Variants in ADAMTS12 observed in about 807,000 individuals in gnomAD.
ADAMTS12 encodes the protein A disintegrin and metalloproteinase with thrombospondin motifs 12.
A neutral mutation model predicts 167.8 loss-of-function variants in ADAMTS12; 118 were observed. The observed-to-expected ratio is 0.70, with a 90% confidence interval of 0.61 to 0.82. The LOEUF (loss-of-function observed/expected upper bound fraction) is 0.82, where lower values mean the gene tolerates loss of function less well. Ranked by LOEUF, ADAMTS12 falls within the 40% of genes least tolerant of loss-of-function variation. The pLI is 0.00. For missense variants in ADAMTS12, 1,916 were observed against 1,998.8 expected (o/e 0.96, Z 0.79); for synonymous variants, 704 against 716.9 (o/e 0.98, Z 0.29).
rs573880233 is a variant in ADAMTS12 at position 33,717,986 on chromosome 5, T to C, written c.634+33418A>G. ...CTTCTGTGTATTCTGTGTGTTCCCA[T>C]TTGTGAGGCAAAAGTTTTACACAAT... On this transcript the variant is annotated intron_variant, in intron 3 of 23. Transcript: ENST00000504830. Among the ~76,000 whole-genome samples the C allele has an allele frequency of 3.3e-5, 5 of 152,336 alleles. No individual in the cohort carries two copies. In the South Asian group the frequency reaches 1.0e-3, roughly 32 times the overall value.
At position 33,523,899 on chromosome 5, in the gene ADAMTS12, C is replaced by T. The variant is rs1039014252; in HGVS notation, c.*3289G>A. ...AAAGTGAATCACTGTGGACCAAGCA[C>T]CAGAAACATCGTCCCAAAGATTCAT... On this transcript the variant is annotated 3_prime_UTR_variant, in exon 24 of 24. Transcript: ENST00000504830. The T allele has an allele frequency of 6.6e-6, 1 of 152,228 alleles. No individual in the cohort carries two copies. Among genetic ancestry groups the T allele is most frequent in the African/African-American group, 2.4e-5 (1 of 41,522 alleles). The allele number at this position is 152,228 out of a possible 1,614,324, so 9.4% of individuals were successfully genotyped here. A position where few individuals can be genotyped will look rare whatever the true frequency, so the allele number is the denominator to read the frequency against.
chr5:33,579,252 T>C (rs981844527), intron 18 of ADAMTS12, among the ~76,000 whole-genome samples: 44 of 152,248 alleles, frequency 2.9e-4, no homozygotes, highest in African/African-American at 9.9e-4. Context: ...CCCCACTTTG[T>C]AAAACTGATC....
chr5:33,541,591 C>T (rs1299793979), intron 22 of ADAMTS12, among the ~76,000 whole-genome samples: 1 of 152,154 alleles, frequency 6.6e-6, no homozygotes, highest in East Asian at 1.9e-4. Flanking sequence ...AGAGAAAGGT[C>T]GGGTTACCCA....
rs1743782450 is a variant in ADAMTS12, at chr5:33,525,691, G to A, written c.*1497C>T. 1 of 152,136 alleles carries A rather than the reference G, an allele frequency of 6.6e-6. No homozygotes were observed. Among genetic ancestry groups the A allele is most frequent in the African/African-American group, 2.4e-5 (1 of 41,428 alleles). The allele number at this position is 152,136 out of a possible 1,614,324, so 9.4% of individuals were successfully genotyped here. ...GACGTGGGATATTGTGTTCCATGAG[G>A]AGTATTAAGTGTATCTGTGCATGAG... is the stretch of plus-strand genomic sequence containing the variant. On this transcript the variant is annotated 3_prime_UTR_variant, in exon 24 of 24. Coordinates refer to ENST00000504830, the MANE Select transcript of ADAMTS12 (RefSeq NM_030955.4).
At chr5:33,754,752 A>T (rs990156128) in intron 2 of ADAMTS12, among the ~76,000 whole-genome samples, 1 of 152,136 alleles carries the variant, frequency 6.6e-6, no homozygotes, top group African/African-American at 2.4e-5. Flanking sequence ...GCTACTTGGG[A>T]GGCTGAGGCA....
intron 5 of ADAMTS12, among the ~76,000 whole-genome samples, chr5:33,667,435 G>A (rs1158885827): frequency 6.6e-6 from 1 of 151,938 alleles, no homozygotes; most frequent in Non-Finnish European, 1.5e-5. Context: ...TACACCATTG[G>A]TTGTATCTGT....
chr5:33,731,778 T>A (rs1579884492), intron 3 of ADAMTS12, among the ~76,000 whole-genome samples: 1 of 152,242 alleles, frequency 6.6e-6, no homozygotes, highest in Middle Eastern at 3.2e-3. Context: ...TGATGGCTCA[T>A]GACCCTGCCT....
At chr5:33,759,462 C>T (rs1431478860) in intron 2 of ADAMTS12, among the ~76,000 whole-genome samples, 1 of 152,178 alleles carries the variant, frequency 6.6e-6, no homozygotes, top group African/African-American at 2.4e-5. Flanking sequence ...GTTTCCTCAT[C>T]TGTAAAATGA....
intron 3 of ADAMTS12, among the ~76,000 whole-genome samples, chr5:33,712,568 C>G (rs371685077): frequency 4.3e-4 from 66 of 152,146 alleles, no homozygotes; most frequent in African/African-American, 1.5e-3. Context: ...GAAGTAGTTA[C>G]TATAGGTTTT....
intron 4 of ADAMTS12, among the ~76,000 whole-genome samples, chr5:33,683,639 A>G (rs1233666755): frequency 6.6e-6 from 1 of 152,212 alleles, no homozygotes; most frequent in African/African-American, 2.4e-5. Flanking sequence ...TATGTAACTA[A>G]TAAATTATAA....
chr5:33,746,480 A>T (rs1744790504), intron 3 of ADAMTS12, among the ~76,000 whole-genome samples: 1 of 152,254 alleles, frequency 6.6e-6, no homozygotes, highest in Non-Finnish European at 1.5e-5. Context: ...GTCTTAAATA[A>T]GAAGTTTACT....
At chr5:33,831,914 C>T (rs1341402021) in intron 2 of ADAMTS12, among the ~76,000 whole-genome samples, 4 of 152,204 alleles carry the variant, frequency 2.6e-5, no homozygotes, top group African/African-American at 9.7e-5. Flanking sequence ...TCAAGGACTC[C>T]TGACGCCTAG....
In ADAMTS12 at chr5:33,870,733, C is replaced by T. The variant is rs1037936967; in HGVS notation, c.489+10386G>A. 2.6e-5 allele frequency among the ~76,000 whole-genome samples: 4 copies of T among 152,264 alleles called. No homozygotes were observed. The Middle Eastern group carries it at 0.01, about 388-fold the overall frequency. ...ATGGGAGGTGATTGCCTCATGGGGA[C>T]AGATTTCCCCCTTGCTGTTCTTGTG... On this transcript the variant is annotated intron_variant, in intron 2 of 23. Coordinates refer to ENST00000504830, the MANE Select transcript of ADAMTS12 (RefSeq NM_030955.4).
At chr5:33,641,020 G>T (rs973802166) in intron 11 of ADAMTS12, among the ~76,000 whole-genome samples, 4 of 151,778 alleles carry the variant, frequency 2.6e-5, no homozygotes, top group African/African-American at 9.7e-5. Context: ...CAAAGTAGAT[G>T]AATGTAAATT....
At chr5:33,728,822 C>G (rs1744075335) in intron 3 of ADAMTS12, among the ~76,000 whole-genome samples, 1 of 152,228 alleles carries the variant, frequency 6.6e-6, no homozygotes, top group Admixed American at 6.5e-5. Context: ...TTGAACTCAT[C>G]ATTTCACCTC....
chr5:33,656,596 G>T (rs1445383558), intron 7 of ADAMTS12, among the ~76,000 whole-genome samples: 1 of 152,204 alleles, frequency 6.6e-6, no homozygotes, highest in Non-Finnish European at 1.5e-5. Context: ...ATCAAGCAAA[G>T]TCTTTTCCAT....
chr5:33,806,217 A>G (rs1312056722), intron 2 of ADAMTS12, among the ~76,000 whole-genome samples: 1 of 152,258 alleles, frequency 6.6e-6, no homozygotes, highest in East Asian at 1.9e-4. Context: ...GCAGAAGATC[A>G]TGAAAATACA....
Position 33,526,489 on chromosome 5 carries a change from CT to C in ADAMTS12, c.*698del, listed in dbSNP as rs1373832546. The C allele has an allele frequency of 6.6e-6, 1 of 152,190 alleles. No individual in the cohort carries two copies. The highest frequency in any genetic ancestry group is 2.4e-5 in the African/African-American group (1 of 41,452). 9.4% of individuals were successfully genotyped at this position (152,190 alleles called of 1,614,324 possible). A position where few individuals can be genotyped will look rare whatever the true frequency, so the allele number is the denominator to read the frequency against. ...ATGCTCTTCAAACCAGAAGTGTTTT[CT>C]GTGTAAGTGACCTAAACCCCTTAGG... On this transcript the variant is annotated 3_prime_UTR_variant, in exon 24 of 24. Transcript: ENST00000504830.
At chr5:33,560,319 T>C (rs1321942937) in intron 20 of ADAMTS12, among the ~76,000 whole-genome samples, 1 of 152,170 alleles carries the variant, frequency 6.6e-6, no homozygotes, top group Non-Finnish European at 1.5e-5. Flanking sequence ...AAAACACTGT[T>C]GGTGGGACTG....
Sources: allele counts gnomAD v4.1 joint callset (sites outside exome capture counted in the v4.1 genomes callset), GRCh38; gene constraint gnomAD v4.1.1; transcripts MANE v1.5; gene names NCBI Gene and HGNC (gene_info 2026-07-23, HGNC 2026-07-21).